Variants in KATNIP observed in about 807,000 individuals in gnomAD.
The protein encoded by KATNIP is katanin interacting protein.
In KATNIP, 126 loss-of-function variants were observed where a neutral mutation model predicts 174.0. The ratio of observed to expected loss-of-function variants is 0.72; its 90% CI spans 0.63 to 0.84. KATNIP has a LOEUF of 0.84. Among genes scored for constraint, KATNIP ranks in the 40% least tolerant of loss-of-function variants. KATNIP has a pLI of 0.00. For synonymous variants in KATNIP, 810 were observed against 835.7 expected (o/e 0.97, Z 0.53); for missense variants, 1,958 against 2,109.7 (o/e 0.93, Z 1.41).
chr16:27,565,069 T>A (rs2090033482), intron 1 of KATNIP, among the ~76,000 whole-genome samples: 1 of 151,192 alleles, frequency 6.6e-6, no homozygotes, highest in South Asian at 2.1e-4. Flanking sequence ...CGGCCCTACC[T>A]GGCTTTCAAA....
chr16:27,679,596 T>TA (rs934662114), intron 7 of KATNIP, among the ~76,000 whole-genome samples: 4 of 151,678 alleles, frequency 2.6e-5, no homozygotes, highest in African/African-American at 9.7e-5. Flanking sequence ...AAAAATGTTT[T>TA]AAAAAATTAG....
At chr16:27,647,038 C>T (rs1321144703) in intron 5 of KATNIP, among the ~76,000 whole-genome samples, 3 of 138,720 alleles carry the variant, frequency 2.2e-5, no homozygotes, top group Non-Finnish European at 4.7e-5. Flanking sequence ...TGAGTCAGAA[C>T]GGGTTCACGC....
chr16:27,579,407 G>A (rs1211914093), intron 2 of KATNIP, among the ~76,000 whole-genome samples: 1 of 152,210 alleles, frequency 6.6e-6, no homozygotes, highest in African/African-American at 2.4e-5. Flanking sequence ...GTCCACTTTG[G>A]AGAGGGTTAA....
chr16:27,681,805 G>C (rs1422730595), intron 8 of KATNIP, among the ~76,000 whole-genome samples: 1 of 152,204 alleles, frequency 6.6e-6, no homozygotes, highest in East Asian at 1.9e-4. Flanking sequence ...GAAGTCCAAG[G>C]CAGTTGACTG....
chr16:27,750,732 CT>C (rs397854747), intron 16 of KATNIP, among the ~76,000 whole-genome samples: 10,031 of 92,284 alleles, frequency 0.11, 194 homozygotes, highest in Non-Finnish European at 0.14. Flanking sequence ...GCGCCCAGCC[CT>C]TTTTTTTTTT....
chr16:27,648,060 C>T (rs1184348743), intron 5 of KATNIP, among the ~76,000 whole-genome samples: 1 of 152,014 alleles, frequency 6.6e-6, no homozygotes, highest in Non-Finnish European at 1.5e-5. Flanking sequence ...TTGGGGAGGA[C>T]GAGGTGGGTG....
intron 1 of KATNIP, among the ~76,000 whole-genome samples, chr16:27,555,141 T>A (rs1455509203): frequency 6.6e-6 from 1 of 152,196 alleles, no homozygotes; most frequent in Non-Finnish European, 1.5e-5. Context: ...ATTTATTGGA[T>A]AAAGTGAAGC....
At chr16:27,618,358 G>A in intron 2 of KATNIP, 67 bp from the exon 3 acceptor site, 1 of 1,247,796 alleles carries the variant, frequency 8.0e-7, no homozygotes, top group Non-Finnish European at 1.2e-6. Context: ...GGTGTGTGCT[G>A]CACCTGCACT....
At position 27,698,339 on chromosome 16, in the gene KATNIP, C is replaced by T. The variant is rs746719915; in HGVS notation, c.952C>T (p.Arg318Trp). 12 of 1,608,944 alleles carry T rather than the reference C, an allele frequency of 7.5e-6. No homozygotes were observed. In the East Asian group the frequency reaches 8.9e-5, roughly 12 times the overall value. ...QERMCSRPGS[R>W]RERPLSATRK... The stretch of plus-strand genomic sequence containing the variant: ...TCTTCTGCCCTCAGGACCTGGAAGC[C>T]GGCGAGAGAGACCCCTGTCTGCAAC... The change falls in exon 9 of 28, where the codon CGG (arginine) becomes TGG (tryptophan). Residue 318 changes from arginine (R) to tryptophan (W), a missense_variant. Physicochemically the swap from Arg to Trp is moderately radical, Grantham distance 101. Coordinates refer to ENST00000261588, the MANE Select transcript of KATNIP (RefSeq NM_015202.5).
intron 1 of KATNIP, among the ~76,000 whole-genome samples, chr16:27,551,167 T>C (rs1264493246): frequency 6.6e-6 from 1 of 152,198 alleles, no homozygotes; most frequent in Non-Finnish European, 1.5e-5. Flanking sequence ...TATCTCACTT[T>C]GCAGATGGGA....
chr16:27,690,868 T>A lies in KATNIP; in HGVS notation c.941-7460T>A, dbSNP rs193134756. 2.0e-5 allele frequency among the ~76,000 whole-genome samples: 3 copies of A among 152,164 alleles called. No individual in the cohort carries two copies. In the South Asian group the frequency reaches 6.2e-4, roughly 32 times the overall value. Reference sequence around the variant, plus strand: ...AGCTCCAGCCGATGGTTCCCACATATGAATACTGTTCCAGGGTTGCCAGAT... The same window carrying A: ...AGCTCCAGCCGATGGTTCCCACATAAGAATACTGTTCCAGGGTTGCCAGAT... On this transcript the variant is annotated intron_variant, in intron 8 of 27. Coordinates refer to ENST00000261588, the MANE Select transcript of KATNIP (RefSeq NM_015202.5).
chr16:27,749,741 C>T lies in KATNIP; in HGVS notation c.2781C>T (p.Leu927=), dbSNP rs1458703288. Reference sequence around the variant, plus strand: ...TCCCGGGGGACATCCTGGATGAGCTCCTGCAGCAAAAGAGCAGCCGGCACA... The same window carrying T: ...TCCCGGGGGACATCCTGGATGAGCTTCTGCAGCAAAAGAGCAGCCGGCACA... ...TELPGDILDE[L]LQQKSSRHSD... The change falls in exon 16 of 28, where the codon CTC becomes CTT. Residue 927 remains leucine, a synonymous_variant. Coordinates refer to ENST00000261588, the MANE Select transcript of KATNIP (RefSeq NM_015202.5). 2.5e-6 allele frequency: 4 copies of T among 1,612,724 alleles called. No homozygotes were observed. Among genetic ancestry groups the T allele is most frequent in the Non-Finnish European group, 3.4e-6 (4 of 1,179,324 alleles).
intron 6 of KATNIP, among the ~76,000 whole-genome samples, chr16:27,658,072 A>G (rs1277461843): frequency 2.0e-5 from 3 of 152,320 alleles, no homozygotes; most frequent in Middle Eastern, 6.8e-3. Context: ...TGGGAAATCT[A>G]TAATTAGCTC....
intron 18 of KATNIP, among the ~76,000 whole-genome samples, chr16:27,760,332 G>A (rs961508057): frequency 1.1e-4 from 16 of 152,186 alleles, no homozygotes; most frequent in African/African-American, 2.9e-4. Context: ...ATGAGACACC[G>A]TTAAGGAAAG....
In KATNIP at chr16:27,774,935, G is replaced by A. The variant is rs377063031; in HGVS notation, c.4310-10G>A. ...AGATTTGGGTTATGGCAACTTAGAC[G>A]TCTCCTCAGATATTGCGGCCTTCCC... On this transcript the variant is annotated splice_polypyrimidine_tract_variant and intron_variant, in intron 23 of 27. Coordinates refer to ENST00000261588, the MANE Select transcript of KATNIP (RefSeq NM_015202.5). The A allele has an allele frequency of 2.5e-6, 4 of 1,613,742 alleles. No homozygotes were observed. The highest frequency in any genetic ancestry group is 1.7e-5 in the Admixed American group (1 of 60,002).
At chr16:27,673,375 G>A (rs1221909092) in intron 6 of KATNIP, among the ~76,000 whole-genome samples, 1 of 152,192 alleles carries the variant, frequency 6.6e-6, no homozygotes, top group Non-Finnish European at 1.5e-5. Flanking sequence ...GAGGAGCAGT[G>A]AATCTGTTGC....
At chr16:27,733,750 G>T (rs780614621) in intron 14 of KATNIP, among the ~76,000 whole-genome samples, 18 of 152,124 alleles carry the variant, frequency 1.2e-4, no homozygotes, top group Non-Finnish European at 2.5e-4. Flanking sequence ...GAGGAAGCAG[G>T]CTGGTTCTTG....
chr16:27,644,074 T>C (rs1394527218), intron 5 of KATNIP, among the ~76,000 whole-genome samples: 1 of 143,406 alleles, frequency 7.0e-6, no homozygotes, highest in African/African-American at 2.6e-5. Context: ...CAGGCTGGAG[T>C]GCAGAGGTGC....
At chr16:27,558,228 CT>C (rs1367577572) in intron 1 of KATNIP, among the ~76,000 whole-genome samples, 1 of 152,198 alleles carries the variant, frequency 6.6e-6, no homozygotes. Flanking sequence ...TCACTACAGC[CT>C]CTGCCTCCTG....
Sources: allele counts gnomAD v4.1 joint callset (sites outside exome capture counted in the v4.1 genomes callset), GRCh38; gene constraint gnomAD v4.1.1; transcripts MANE v1.5; gene names NCBI Gene and HGNC (gene_info 2026-07-23, HGNC 2026-07-21).